The following LRP1B variants were observed in gnomAD, a reference collection of about 807,000 sequenced individuals.
LRP1B encodes low-density lipoprotein receptor-related protein 1B.
LRP1B carries 217 observed loss-of-function variants against 556.6 expected under a neutral mutation model. The observed-to-expected ratio is 0.39, with a 90% CI of 0.35 to 0.44. The LOEUF (loss-of-function observed/expected upper bound fraction) is 0.44, where lower values mean the gene tolerates loss of function less well. Ranked by LOEUF, LRP1B falls within the 20% of genes least tolerant of loss-of-function variation. The pLI is 1.00. For synonymous variants in LRP1B, 2,047 were observed against 1,865.8 expected, an observed-to-expected ratio of 1.10 and a Z score of -2.50; for missense variants, 5,053 against 5,620.8, an observed-to-expected ratio of 0.90 and a Z score of 3.23.
At chr2:141,634,826 G>T (rs1457975352) in intron 2 of LRP1B, among the ~76,000 whole-genome samples, 5 of 151,850 alleles carry the variant, frequency 3.3e-5, no homozygotes, top group Non-Finnish European at 5.9e-5. Flanking sequence ...AGAAACATTT[G>T]ACTGGACCAT....
At chr2:140,855,140 C>G (rs1274579485) in intron 27 of LRP1B, among the ~76,000 whole-genome samples, 1 of 151,986 alleles carries the variant, frequency 6.6e-6, no homozygotes, top group Non-Finnish European at 1.5e-5. Flanking sequence ...TGAAAAAAAG[C>G]TGAGATACAA....
intron 20 of LRP1B, among the ~76,000 whole-genome samples, chr2:140,946,168 T>A (rs1483012268): frequency 6.6e-6 from 1 of 151,958 alleles, no homozygotes; most frequent in African/African-American, 2.4e-5. Context: ...CTCACACCAA[T>A]CAGAATGGCT....
intron 41 of LRP1B, among the ~76,000 whole-genome samples, chr2:140,654,465 A>AG (rs1684805048): frequency 6.6e-6 from 1 of 152,336 alleles, no homozygotes; most frequent in African/African-American, 2.4e-5. Flanking sequence ...AAAGACTGTC[A>AG]GTAATCAAAA....
chr2:141,943,936 G>T (rs1700886121), intron 1 of LRP1B, among the ~76,000 whole-genome samples: 1 of 152,096 alleles, frequency 6.6e-6, no homozygotes, highest in Non-Finnish European at 1.5e-5. Flanking sequence ...AGCGATAGAG[G>T]GGTTCCTGTT....
chr2:141,978,408 T>A (rs1701943977), intron 1 of LRP1B, among the ~76,000 whole-genome samples: 6 of 152,104 alleles, frequency 3.9e-5, no homozygotes, highest in Admixed American at 3.9e-4. Context: ...TACATTTTTC[T>A]CAAAGTACCA....
At chr2:141,186,056 G>A (rs116217114) in intron 7 of LRP1B, among the ~76,000 whole-genome samples, 7,096 of 112,158 alleles carry the variant, frequency 0.063, 218 homozygotes, top group African/African-American at 0.1. Flanking sequence ...TCCAGCTTGA[G>A]CGATAGAACG....
intron 1 of LRP1B, among the ~76,000 whole-genome samples, chr2:141,932,757 T>A (rs1289988651): frequency 6.6e-6 from 1 of 152,028 alleles, no homozygotes; most frequent in East Asian, 1.9e-4. Context: ...ATGACCTGTT[T>A]CTTGAAGAAA....
At chr2:141,897,292 T>C (rs938989574) in intron 1 of LRP1B, among the ~76,000 whole-genome samples, 4 of 151,870 alleles carry the variant, frequency 2.6e-5, no homozygotes, top group African/African-American at 9.7e-5. Flanking sequence ...AAAAATAAAA[T>C]AAAACCAACA....
rs750256710 is a variant in LRP1B at position 140,993,951 on chromosome 2, A to C, written c.2644+44T>G. 5.0e-6 allele frequency: 8 copies of C among 1,597,650 alleles called. 1 individual carries two copies. In the South Asian group the frequency reaches 8.9e-5, roughly 18 times the overall value. ...GCCTTGATAATTCACACACTCAAAG[A>C]CTCAGGAAAATACAATTTTTAGGTG... On this transcript the variant is annotated intron_variant, in intron 16 of 90. Transcript: ENST00000389484.
intron 2 of LRP1B, among the ~76,000 whole-genome samples, chr2:141,756,004 A>G (rs1694306358): frequency 6.6e-6 from 1 of 151,512 alleles, no homozygotes; most frequent in Admixed American, 6.6e-5. Flanking sequence ...AAGTAAACAA[A>G]AGTAGACGTA....
rs376043351 is a variant in LRP1B, at chr2:140,246,805, G to T, written c.13324+281C>A. On this transcript the variant is annotated intron_variant, in intron 87 of 90. Transcript: ENST00000389484. ...GATATCTGCGACTTTTTCAGCTGAT[G>T]AATATTTCCAAAGAAAAGCTTATGC... 3.0e-4 allele frequency among the ~76,000 whole-genome samples: 46 copies of T among 151,570 alleles called. No homozygotes were observed. In the South Asian group the frequency reaches 7.3e-3, roughly 24 times the overall value.
At chr2:142,067,407 TA>T (rs927588121) in intron 1 of LRP1B, among the ~76,000 whole-genome samples, 40 of 151,682 alleles carry the variant, frequency 2.6e-4, no homozygotes, top group Non-Finnish European at 1.2e-4. Context: ...AATCAGAAAC[TA>T]AATTATCCAA....
At chr2:141,005,977 A>T (rs1697562715) in intron 14 of LRP1B, among the ~76,000 whole-genome samples, 1 of 152,014 alleles carries the variant, frequency 6.6e-6, no homozygotes, top group Admixed American at 6.6e-5. Context: ...TGCTGGTATA[A>T]GGTGAATGTA....
chr2:141,354,022 C>T (rs1688535692), intron 3 of LRP1B, among the ~76,000 whole-genome samples: 1 of 151,812 alleles, frequency 6.6e-6, no homozygotes, highest in African/African-American at 2.4e-5. Context: ...TAATTGAAGG[C>T]ATTAGAGAAG....
rs776688989 is a variant in LRP1B at position 141,034,334 on chromosome 2, G to A, written c.1790-14232C>T. Among the ~76,000 whole-genome samples the A allele has an allele frequency of 7.2e-5, 11 of 152,082 alleles. 1 individual carries two copies. Among genetic ancestry groups the A allele is most frequent in the Middle Eastern group, 3.4e-3 (1 of 292 alleles). Reference sequence around the variant, plus strand: ...CATGTCTAAAACACCAAAAGCAATGGCAACAAAAGACAAAATTGACAAATG... The same window carrying A: ...CATGTCTAAAACACCAAAAGCAATGACAACAAAAGACAAAATTGACAAATG... On this transcript the variant is annotated intron_variant, in intron 11 of 90. Coordinates refer to ENST00000389484, the MANE Select transcript of LRP1B (RefSeq NM_018557.3).
chr2:141,594,831 C>T (rs950238249), intron 2 of LRP1B, among the ~76,000 whole-genome samples: 19 of 152,022 alleles, frequency 1.2e-4, no homozygotes, highest in Admixed American at 6.6e-5. Flanking sequence ...CACACACACT[C>T]TTAAATATGA....
At chr2:140,583,177 T>TTC (rs1681847263) in intron 43 of LRP1B, among the ~76,000 whole-genome samples, 1 of 142,140 alleles carries the variant, frequency 7.0e-6, no homozygotes, top group South Asian at 2.3e-4. Flanking sequence ...TTTTCTTTTT[T>TTC]TTTTTTTTTT....
chr2:141,998,651 G>A (rs1304896807), intron 1 of LRP1B, among the ~76,000 whole-genome samples: 1 of 152,154 alleles, frequency 6.6e-6, no homozygotes, highest in African/African-American at 2.4e-5. Context: ...TCAGGCTATA[G>A]GTTGGTTTTA....
At chr2:142,066,447 A>T (rs888116330) in intron 1 of LRP1B, among the ~76,000 whole-genome samples, 2 of 151,482 alleles carry the variant, frequency 1.3e-5, no homozygotes, top group African/African-American at 4.8e-5. Flanking sequence ...TGCAGCACAC[A>T]ATTCCTCTAA....
Sources: allele counts gnomAD v4.1 joint callset (sites outside exome capture counted in the v4.1 genomes callset), GRCh38; gene constraint gnomAD v4.1.1; transcripts MANE v1.5; gene names NCBI Gene and HGNC (gene_info 2026-07-23, HGNC 2026-07-21).